GPM6A: variants seen among roughly 807,000 people sequenced by gnomAD.
GPM6A encodes neuronal membrane glycoprotein M6-a.
Under a neutral mutation model 32.1 loss-of-function variants are expected in GPM6A, and 7 were observed. That is an observed-to-expected ratio of 0.22 (90% CI 0.12 to 0.41). The LOEUF (loss-of-function observed/expected upper bound fraction) is 0.41. Among genes scored for constraint, GPM6A ranks in the 10% least tolerant of loss-of-function variants. The probability of loss-of-function intolerance (pLI) is 1.00; values close to 1 mark genes in which losing one functional copy is unlikely to be tolerated. For synonymous variants in GPM6A, 130 were observed against 123.4 expected, an observed-to-expected ratio of 1.05 and a Z score of -0.35; for missense variants, 235 against 347.2, an observed-to-expected ratio of 0.68 and a Z score of 2.57.
At chr4:175,919,128 T>C (rs922548167) in intron 1 of GPM6A, among the ~76,000 whole-genome samples, 1 of 152,166 alleles carries the variant, frequency 6.6e-6, no homozygotes, top group African/African-American at 2.4e-5. Flanking sequence ...AATTAAAATA[T>C]CTTCTCATTA....
chr4:175,956,025 C>T (rs1313672530), intron 1 of GPM6A, among the ~76,000 whole-genome samples: 1 of 152,178 alleles, frequency 6.6e-6, no homozygotes, highest in African/African-American at 2.4e-5. Context: ...TTGTAAAATA[C>T]CAACATGCTG....
intron 1 of GPM6A, among the ~76,000 whole-genome samples, chr4:175,729,216 A>C (rs1350205814): frequency 1.3e-5 from 2 of 152,206 alleles, no homozygotes; most frequent in African/African-American, 4.8e-5. Context: ...CCAGTTTGCT[A>C]AAACAATCCT....
At chr4:175,983,990 GTCTC>G (rs149265312) in intron 1 of GPM6A, among the ~76,000 whole-genome samples, 22 of 146,176 alleles carry the variant, frequency 1.5e-4, no homozygotes, top group South Asian at 2.2e-4. Context: ...TGCTCTCTCT[GTCTC>G]TCTCTCTCTC....
chr4:175,660,762 T>G (rs1277596113), intron 3 of GPM6A, among the ~76,000 whole-genome samples: 4 of 152,218 alleles, frequency 2.6e-5, no homozygotes, highest in African/African-American at 9.6e-5. Context: ...AAAATTAGAA[T>G]GAAGAAGCAA....
At chr4:175,749,754 C>T (rs182580133) in intron 1 of GPM6A, among the ~76,000 whole-genome samples, 1 of 152,116 alleles carries the variant, frequency 6.6e-6, no homozygotes, top group African/African-American at 2.4e-5. Context: ...TTTATATTTA[C>T]ATAAAATGTC....
intron 1 of GPM6A, among the ~76,000 whole-genome samples, chr4:175,735,976 G>A (rs568050253): frequency 5.3e-5 from 8 of 152,094 alleles, no homozygotes; most frequent in Non-Finnish European, 1.2e-4. Flanking sequence ...TCTAAATTCG[G>A]TTTCATCCAC....
Position 175,640,716 on chromosome 4 carries a change from A to T in GPM6A, c.618+37T>A, listed in dbSNP as rs777250592. On this transcript the variant is annotated intron_variant, in intron 5 of 6. Coordinates refer to ENST00000393658, the MANE Select transcript of GPM6A (RefSeq NM_201591.3). Reference sequence around the variant, plus strand: ...TCCAAATAATAAAAAATGAATGCTAAAATTCTGACAAAATTAAAGGCTGTA... The same window carrying T: ...TCCAAATAATAAAAAATGAATGCTATAATTCTGACAAAATTAAAGGCTGTA... The T allele has an allele frequency of 3.0e-6, 4 of 1,338,922 alleles. No individual in the cohort carries two copies. In the South Asian group the frequency reaches 3.5e-5, roughly 12 times the overall value. 82.9% of individuals were successfully genotyped at this position (1,338,922 alleles called of 1,614,324 possible).
chr4:175,844,063 C>T (rs1736019061), intron 1 of GPM6A, among the ~76,000 whole-genome samples: 1 of 152,152 alleles, frequency 6.6e-6, no homozygotes, highest in African/African-American at 2.4e-5. Flanking sequence ...ATTTCTCATC[C>T]ACTGACCACA....
At chr4:175,945,560 C>T (rs1285107453) in intron 1 of GPM6A, among the ~76,000 whole-genome samples, 1 of 151,568 alleles carries the variant, frequency 6.6e-6, no homozygotes, top group Non-Finnish European at 1.5e-5. Flanking sequence ...ACCCATATTA[C>T]TTAGTTGTAA....
chr4:175,994,318 G>A (rs1488701986), intron 1 of GPM6A, among the ~76,000 whole-genome samples: 1 of 152,156 alleles, frequency 6.6e-6, no homozygotes, highest in Non-Finnish European at 1.5e-5. Context: ...ATTCCAAGAG[G>A]TAGCTCTTGG....
chr4:175,680,078 T>C (rs1743596398), intron 2 of GPM6A, among the ~76,000 whole-genome samples: 1 of 152,202 alleles, frequency 6.6e-6, no homozygotes, highest in East Asian at 1.9e-4. Flanking sequence ...GAAACACATG[T>C]ATGTATACAC....
chr4:175,992,619 A>G (rs997877123), intron 1 of GPM6A, among the ~76,000 whole-genome samples: 21 of 152,200 alleles, frequency 1.4e-4, no homozygotes, highest in African/African-American at 4.8e-4. Context: ...AAGAACAATT[A>G]TCTCCTGACT....
intron 1 of GPM6A, among the ~76,000 whole-genome samples, chr4:175,797,512 T>G (rs979852944): frequency 1.3e-5 from 2 of 152,298 alleles, no homozygotes; most frequent in South Asian, 2.1e-4. Context: ...TATTGTTACA[T>G]GCATTAGCAT....
chr4:175,785,508 T>C (rs1733765315), intron 1 of GPM6A, among the ~76,000 whole-genome samples: 1 of 152,222 alleles, frequency 6.6e-6, no homozygotes, highest in African/African-American at 2.4e-5. Context: ...CCACATTATA[T>C]TAACATTAAC....
At chr4:175,952,400 G>A (rs1212484568) in intron 1 of GPM6A, among the ~76,000 whole-genome samples, 1 of 152,150 alleles carries the variant, frequency 6.6e-6, no homozygotes, top group East Asian at 1.9e-4. Flanking sequence ...GTAGCTTAAG[G>A]TAGTGATCTC....
chr4:175,817,595 C>T (rs77126466), intron 1 of GPM6A, among the ~76,000 whole-genome samples: 200 of 152,204 alleles, frequency 1.3e-3, no homozygotes, highest in African/African-American at 4.6e-3. Context: ...TTTGATCTGA[C>T]CTGATCAAAG....
Position 175,718,267 on chromosome 4 carries a change from C to T in GPM6A, c.38-16500G>A, listed in dbSNP as rs927054297. Among the ~76,000 whole-genome samples, 11 of 152,158 alleles carry T rather than the reference C, an allele frequency of 7.2e-5. No homozygotes were observed. In the South Asian group the frequency reaches 1.9e-3, roughly 26 times the overall value. On this transcript the variant is annotated intron_variant, in intron 1 of 6. Coordinates refer to ENST00000393658, the MANE Select transcript of GPM6A (RefSeq NM_201591.3). ...TCATTTATATTTTACTATATTGTTA[C>T]TTTAAAAACAATAAAAGAACAAGTA...
At chr4:175,974,229 CTAAATAAA>C (rs562981021) in intron 1 of GPM6A, among the ~76,000 whole-genome samples, 1 of 151,824 alleles carries the variant, frequency 6.6e-6, no homozygotes, top group Non-Finnish European at 1.5e-5. Context: ...GACTTTGTCT[CTAAATAAA>C]TAAATAAATA....
At chr4:175,801,427 C>T (rs564402575) in intron 1 of GPM6A, among the ~76,000 whole-genome samples, 23 of 151,946 alleles carry the variant, frequency 1.5e-4, no homozygotes, top group Middle Eastern at 3.4e-3. Context: ...GGTAATTTGA[C>T]GTGGTTCAAA....
Sources: allele counts gnomAD v4.1 joint callset (sites outside exome capture counted in the v4.1 genomes callset), GRCh38; gene constraint gnomAD v4.1.1; transcripts MANE v1.5; gene names NCBI Gene and HGNC (gene_info 2026-07-23, HGNC 2026-07-21).